Variants in TTC28 observed in about 807,000 individuals in gnomAD.
TTC28 encodes tetratricopeptide repeat protein 28.
A neutral mutation model predicts 198.0 loss-of-function variants in TTC28; 61 were observed. The observed-to-expected ratio is 0.31, with a 90% CI of 0.25 to 0.38. The LOEUF (loss-of-function observed/expected upper bound fraction) is 0.38. Among genes scored for constraint, TTC28 ranks in the 10% least tolerant of loss-of-function variants. TTC28 has a pLI of 1.00. For synonymous variants in TTC28, 1,171 were observed against 1,297.8 expected (o/e 0.90, Z 2.10); for missense variants, 2,678 against 3,164.0 (o/e 0.85, Z 3.69).
intron 13 of TTC28, among the ~76,000 whole-genome samples, chr22:28,020,634 CT>C (rs1938552804): frequency 6.6e-6 from 1 of 152,190 alleles, no homozygotes; most frequent in African/African-American, 2.4e-5. Flanking sequence ...GCTCACACTC[CT>C]TTGGGCAGTC....
At chr22:28,126,785 C>T (rs932297096) in intron 6 of TTC28, among the ~76,000 whole-genome samples, 13 of 152,182 alleles carry the variant, frequency 8.5e-5, no homozygotes, top group South Asian at 2.1e-4. Flanking sequence ...AGTTAATACA[C>T]GACTTCTCAG....
At chr22:28,119,039 C>G (rs1287241535) in intron 6 of TTC28, among the ~76,000 whole-genome samples, 2 of 152,164 alleles carry the variant, frequency 1.3e-5, no homozygotes, top group Non-Finnish European at 2.9e-5. Flanking sequence ...TGCCTAAGCT[C>G]TGCAATTTGT....
chr22:28,641,302 G>A (rs189183922), intron 1 of TTC28, among the ~76,000 whole-genome samples: 13 of 150,874 alleles, frequency 8.6e-5, no homozygotes, highest in South Asian at 4.2e-4. Flanking sequence ...CCAGCCTGGC[G>A]ACAGAGCAAG....
intron 2 of TTC28, among the ~76,000 whole-genome samples, chr22:28,564,464 A>T (rs2049939485): frequency 1.3e-5 from 2 of 152,120 alleles, no homozygotes; most frequent in Admixed American, 6.6e-5. Context: ...TTATTTGTCC[A>T]ATTTGGTTTT....
At chr22:28,208,156 T>C (rs1347071504) in intron 5 of TTC28, among the ~76,000 whole-genome samples, 1 of 152,130 alleles carries the variant, frequency 6.6e-6, no homozygotes, top group African/African-American at 2.4e-5. Context: ...ACTTGCTGAA[T>C]GAATAAAGGA....
chr22:28,520,666 G>A (rs1234240589), intron 2 of TTC28, among the ~76,000 whole-genome samples: 1 of 152,224 alleles, frequency 6.6e-6, no homozygotes, highest in African/African-American at 2.4e-5. Flanking sequence ...GCTAAAGTGA[G>A]AGGATTGCTT....
chr22:28,585,190 T>C (rs1012277102), intron 2 of TTC28, among the ~76,000 whole-genome samples: 4 of 152,190 alleles, frequency 2.6e-5, no homozygotes, highest in Admixed American at 6.5e-5. Context: ...TTCGGGATGA[T>C]TCAAGAACAT....
chr22:28,082,997 G>A (rs130408), intron 12 of TTC28, among the ~76,000 whole-genome samples: 50,391 of 151,458 alleles, frequency 0.33, 9,654 homozygotes, highest in African/African-American at 0.54. Context: ...TGTATTTTAC[G>A]GAAATATATT....
intron 2 of TTC28, among the ~76,000 whole-genome samples, chr22:28,408,071 T>C (rs949503808): frequency 3.3e-5 from 5 of 152,222 alleles, no homozygotes; most frequent in African/African-American, 1.2e-4. Context: ...AGCTTTCTGT[T>C]TTCTCCTTTT....
At chr22:28,398,296 G>T (rs191883529) in intron 2 of TTC28, among the ~76,000 whole-genome samples, 3 of 152,142 alleles carry the variant, frequency 2.0e-5, no homozygotes, top group African/African-American at 7.2e-5. Context: ...GGCCAGAGGG[G>T]GCCACTGTGG....
chr22:28,456,600 G>A (rs1223543362), intron 2 of TTC28, among the ~76,000 whole-genome samples: 2 of 151,494 alleles, frequency 1.3e-5, no homozygotes, highest in Non-Finnish European at 1.5e-5. Flanking sequence ...TCTTTGAGAC[G>A]AAGTCTCACT....
intron 2 of TTC28, among the ~76,000 whole-genome samples, chr22:28,612,914 T>C (rs1167893680): frequency 6.6e-6 from 1 of 151,996 alleles, no homozygotes; most frequent in Non-Finnish European, 1.5e-5. Flanking sequence ...AACGTCACAA[T>C]TAAAAGAACT....
intron 10 of TTC28, 55 bp from the exon 11 acceptor site, chr22:28,096,463 A>T: frequency 6.5e-7 from 1 of 1,527,444 alleles, no homozygotes; most frequent in South Asian, 1.2e-5. Flanking sequence ...TTACTTAGAG[A>T]GGCCTATCAG....
chr22:28,415,995 C>A (rs2047162695), intron 2 of TTC28, among the ~76,000 whole-genome samples: 1 of 152,202 alleles, frequency 6.6e-6, no homozygotes, highest in Non-Finnish European at 1.5e-5. Flanking sequence ...AGGCATTGAA[C>A]TTTCAGAAAA....
chr22:28,227,537 A>G (rs1928437353), intron 5 of TTC28, among the ~76,000 whole-genome samples: 1 of 152,226 alleles, frequency 6.6e-6, no homozygotes, highest in African/African-American at 2.4e-5. Context: ...CTACAACCCA[A>G]TTCAAAAATG....
intron 2 of TTC28, among the ~76,000 whole-genome samples, chr22:28,527,329 G>A (rs2144922): frequency 0.85 from 129,711 of 152,078 alleles, 55,550 homozygotes; most frequent in Middle Eastern, 0.94. Flanking sequence ...CAGCCATACC[G>A]AAATGAACAC....
chr22:28,512,710 T>C (rs1002018981), intron 2 of TTC28, among the ~76,000 whole-genome samples: 1 of 152,024 alleles, frequency 6.6e-6, no homozygotes, highest in Non-Finnish European at 1.5e-5. Flanking sequence ...CACTTGTAAG[T>C]GGGAGCTGAA....
At chr22:28,051,797 T>G (rs1320036807) in intron 12 of TTC28, among the ~76,000 whole-genome samples, 1 of 152,180 alleles carries the variant, frequency 6.6e-6, no homozygotes, top group Admixed American at 6.5e-5. Flanking sequence ...GTAAACTCCA[T>G]GGCTTCGAAG....
intron 2 of TTC28, among the ~76,000 whole-genome samples, chr22:28,406,476 C>T (rs1395851206): frequency 2.6e-5 from 4 of 152,174 alleles, no homozygotes; most frequent in African/African-American, 9.7e-5. Context: ...AAGAGCCTGG[C>T]CCTGCTGTGT....
Sources: allele counts gnomAD v4.1 joint callset (sites outside exome capture counted in the v4.1 genomes callset), GRCh38; gene constraint gnomAD v4.1.1; transcripts MANE v1.5; gene names NCBI Gene and HGNC (gene_info 2026-07-23, HGNC 2026-07-21).